The following PLCE1 variants were observed in gnomAD, a reference collection of about 807,000 sequenced individuals.
PLCE1 encodes 1-phosphatidylinositol 4,5-bisphosphate phosphodiesterase epsilon-1.
In PLCE1, 119 loss-of-function variants were observed where a neutral mutation model predicts 242.8. That is an observed-to-expected ratio of 0.49 (90% CI 0.42 to 0.57). The LOEUF (loss-of-function observed/expected upper bound fraction) is 0.57. Ranked by LOEUF, PLCE1 falls within the 20% of genes least tolerant of loss-of-function variation. PLCE1 has a pLI of 0.00. For synonymous variants in PLCE1, 945 were observed against 1,017.4 expected, an observed-to-expected ratio of 0.93 and a Z score of 1.35; for missense variants, 2,441 against 2,788.8, an observed-to-expected ratio of 0.88 and a Z score of 2.81.
rs1171255447 is a variant in PLCE1 at position 94,306,454 on chromosome 10, A to G, written c.5650A>G (p.Ser1884Gly). Residue 1884 changes from serine (S) to glycine (G), a missense_variant, in exon 26 of 33, where the codon AGT (serine) becomes GGT (glycine). By Grantham distance (56) the Ser-to-Gly change is moderately conservative. Around this residue, in one of 5 missense-constraint regions of PLCE1, gnomAD observed 1,004 missense variants for 1,322.7 expected, o/e 0.76. Coordinates refer to ENST00000371380, the MANE Select transcript of PLCE1 (RefSeq NM_016341.4). The surrounding 1 kb of genome is among the most constrained non-coding windows in gnomAD (Gnocchi z 5.7). ...TIVSGQNVCP[S>G]NSMGSPCIEV... ...TGTCTCTGGTCAGAATGTGTGCCCC[A>G]GTAATAGCATGGGAAGCCCGTGCAT... 5 of 1,614,006 alleles carry G rather than the reference A, an allele frequency of 3.1e-6. No individual in the cohort carries two copies. In the African/African-American group the frequency reaches 6.7e-5, roughly 22 times the overall value.
chr10:94,314,868 A>C (rs915387967), intron 28 of PLCE1: 2 of 152,454 alleles, frequency 1.3e-5, no homozygotes, highest in Admixed American at 6.5e-5. Context: ...CTCAGGTGTC[A>C]CATTTCATAG....
At chr10:94,317,641 T>G (rs1301171343) in intron 29 of PLCE1, among the ~76,000 whole-genome samples, 1 of 152,230 alleles carries the variant, frequency 6.6e-6, no homozygotes, top group East Asian at 1.9e-4. Context: ...TGTGCTAAGA[T>G]TCCCATGATC....
intron 3 of PLCE1, among the ~76,000 whole-genome samples, chr10:94,159,342 C>T (rs2047535350): frequency 1.3e-5 from 2 of 152,120 alleles, no homozygotes; most frequent in Admixed American, 1.3e-4. Flanking sequence ...ACCAATTAAC[C>T]AAACTTTTTC....
intron 2 of PLCE1, among the ~76,000 whole-genome samples, chr10:94,037,562 G>GGTA (rs2061688706): frequency 6.6e-6 from 1 of 152,138 alleles, no homozygotes; most frequent in Admixed American, 6.5e-5. Context: ...CATTACGAAG[G>GGTA]GTAGTGATGG....
intron 2 of PLCE1, among the ~76,000 whole-genome samples, chr10:94,121,993 A>C (rs1159147080): frequency 6.6e-6 from 1 of 152,166 alleles, no homozygotes; most frequent in Non-Finnish European, 1.5e-5. Flanking sequence ...AGTTCAGCCA[A>C]TGAAGGTTTG....
intron 18 of PLCE1, among the ~76,000 whole-genome samples, chr10:94,272,500 T>C (rs1247204148): frequency 6.6e-6 from 1 of 152,196 alleles, no homozygotes; most frequent in Non-Finnish European, 1.5e-5. Context: ...ACACATGTTT[T>C]ACAATCAATT....
At chr10:94,303,672 C>T (rs542676496) in intron 24 of PLCE1, among the ~76,000 whole-genome samples, 3 of 152,176 alleles carry the variant, frequency 2.0e-5, no homozygotes, top group East Asian at 3.9e-4. Flanking sequence ...AAGAATTGTC[C>T]ATACAATTGT....
At chr10:94,307,978 T>G (rs2133661533) in intron 26 of PLCE1, among the ~76,000 whole-genome samples, 1 of 152,348 alleles carries the variant, frequency 6.6e-6, no homozygotes, top group South Asian at 2.1e-4. Context: ...TCTTGCAGGC[T>G]TTGTTTCTCT....
chr10:94,163,896 C>T (rs536229066), intron 3 of PLCE1, among the ~76,000 whole-genome samples: 14 of 152,208 alleles, frequency 9.2e-5, no homozygotes, highest in African/African-American at 3.4e-4. Context: ...TATTTTATTT[C>T]TCCTTCACTT....
chr10:94,310,280 C>T (rs1277227320), intron 27 of PLCE1, among the ~76,000 whole-genome samples: 1 of 152,188 alleles, frequency 6.6e-6, no homozygotes, highest in East Asian at 1.9e-4. Context: ...CTTCTCCTGC[C>T]CTCACCACTA....
intron 6 of PLCE1, among the ~76,000 whole-genome samples, chr10:94,235,187 C>T (rs1028535879): frequency 5.9e-5 from 9 of 152,142 alleles, no homozygotes; most frequent in South Asian, 2.1e-4. Context: ...AAAGGCATCA[C>T]CTGATATCAG....
chr10:94,287,627 A>G (rs796099094), intron 22 of PLCE1: 5 of 152,110 alleles, frequency 3.3e-5, no homozygotes, highest in African/African-American at 1.2e-4. Flanking sequence ...TCTTTGCACC[A>G]CACTATGGAA....
chr10:94,261,622 T>C (rs938976803), intron 13 of PLCE1, among the ~76,000 whole-genome samples: 1 of 152,122 alleles, frequency 6.6e-6, no homozygotes, highest in African/African-American at 2.4e-5. Context: ...ATACCAAAGT[T>C]GGTGCGAATG....
intron 2 of PLCE1, among the ~76,000 whole-genome samples, chr10:94,062,757 A>T (rs1200190486): frequency 6.6e-6 from 1 of 152,098 alleles, no homozygotes; most frequent in Non-Finnish European, 1.5e-5. Context: ...GACATAGTCA[A>T]CTGTTGTCTT....
chr10:93,999,970 T>A (rs2060902829), intron 1 of PLCE1, among the ~76,000 whole-genome samples: 1 of 152,184 alleles, frequency 6.6e-6, no homozygotes, highest in African/African-American at 2.4e-5. Context: ...TGCTTTTGTC[T>A]CTCAAGCACA....
chr10:94,283,678 C>A, intron 20 of PLCE1, 112 bp from the exon 21 acceptor site: 1 of 1,162,734 alleles, frequency 8.6e-7, no homozygotes, highest in South Asian at 1.2e-5. Context: ...TAGTTAGAGC[C>A]TCATTCTTAT....
rs559631443 is a variant in PLCE1 at position 94,165,731 on chromosome 10, G to A, written c.1493-5449G>A. 9.3e-5 allele frequency among the ~76,000 whole-genome samples: 14 copies of A among 150,912 alleles called. No homozygotes were observed. In the South Asian group the frequency reaches 1.5e-3, roughly 16 times the overall value. ...GTTTTGATCTTTTTTTTTTTGAGAC[G>A]GTGTCTTGCTCTGTTGCCCAGGTTG... On this transcript the variant is annotated intron_variant, in intron 3 of 32. Coordinates refer to ENST00000371380, the MANE Select transcript of PLCE1 (RefSeq NM_016341.4).
chr10:94,254,921 C>G lies in PLCE1; in HGVS notation c.3426C>G (p.Asn1142Lys), dbSNP rs756521986. 9 of 1,614,104 alleles carry G rather than the reference C, an allele frequency of 5.6e-6. No homozygotes were observed. Among genetic ancestry groups the G allele is most frequent in the Non-Finnish European group, 7.6e-6 (9 of 1,179,980 alleles). Reference protein sequence around the residue: ...SEVNAIANPPNPLPSRRAHSL... With the variant: ...SEVNAIANPPKPLPSRRAHSL... ...TGAATGCCATCGCTAACCCTCCAAA[C>G]CCCCTCCCTTCCAGAAGAGCCCACT... The change falls in exon 11 of 33, where the codon AAC (asparagine) becomes AAG (lysine). Residue 1142 changes from asparagine (N) to lysine (K), a missense_variant. Asn to Lys is a moderately conservative substitution (Grantham distance 94, BLOSUM62 0). This residue lies in a region of PLCE1 where 1,004 missense variants were observed against 1,322.7 expected (regional missense o/e 0.76). Coordinates refer to ENST00000371380, the MANE Select transcript of PLCE1 (RefSeq NM_016341.4).
chr10:94,307,468 C>G (rs914835328), intron 26 of PLCE1, among the ~76,000 whole-genome samples: 2 of 152,236 alleles, frequency 1.3e-5, no homozygotes, highest in Non-Finnish European at 2.9e-5. Context: ...TGTTTCTCTT[C>G]TGTGTGCAAG....
Sources: gnomAD v4.1 joint callset for allele counts (sites outside exome capture counted in the v4.1 genomes callset) on GRCh38, gnomAD v4.1.1 for gene constraint, gnomAD v4.1.1 regional missense constraint, Gnocchi (gnomAD v3.1) non-coding constraint, MANE v1.5 for transcripts, NCBI Gene and HGNC (gene_info 2026-07-23, HGNC 2026-07-21) for gene names.